The following MCC variants were observed in gnomAD, a reference collection of about 807,000 sequenced individuals.
MCC encodes MCC regulator of Wnt signaling pathway.
In MCC, 90 loss-of-function variants were observed where a neutral mutation model predicts 116.2. That is an observed-to-expected ratio of 0.77 (90% CI 0.65 to 0.92). MCC has a LOEUF of 0.92. MCC is among the 40% of genes least tolerant of loss of function. The probability of loss-of-function intolerance (pLI) is 0.00; values close to 1 mark genes in which losing one functional copy is unlikely to be tolerated. For synonymous variants in MCC, 578 were observed against 510.5 expected (o/e 1.13, Z -1.78); for missense variants, 1,516 against 1,312.2 (o/e 1.16, Z -2.40).
At chr5:113,221,029 C>A (rs554623403) in intron 3 of MCC, among the ~76,000 whole-genome samples, 2 of 152,168 alleles carry the variant, frequency 1.3e-5, no homozygotes, top group Non-Finnish European at 2.9e-5. Flanking sequence ...ATGGCAAAAC[C>A]ATGTCTCTAC....
chr5:113,092,894 T>C (rs912429962), intron 8 of MCC, among the ~76,000 whole-genome samples: 2 of 152,180 alleles, frequency 1.3e-5, no homozygotes, highest in Non-Finnish European at 2.9e-5. Context: ...AGGAGACATG[T>C]GCAAGGGACT....
At chr5:113,162,730 C>A (rs1475604320) in intron 3 of MCC, among the ~76,000 whole-genome samples, 1 of 152,074 alleles carries the variant, frequency 6.6e-6, no homozygotes, top group Non-Finnish European at 1.5e-5. Context: ...AACTCCTGGG[C>A]TCAAGTGATT....
At chr5:113,260,540 G>C (rs114223975) in intron 3 of MCC, among the ~76,000 whole-genome samples, 1 of 152,056 alleles carries the variant, frequency 6.6e-6, no homozygotes, top group Non-Finnish European at 1.5e-5. Flanking sequence ...GTATTCTTTC[G>C]TACTTTCCCC....
intron 2 of MCC, among the ~76,000 whole-genome samples, chr5:113,352,699 C>T (rs1442389963): frequency 9.4e-6 from 1 of 106,296 alleles, no homozygotes; most frequent in African/African-American, 4.4e-5. Flanking sequence ...TGAATGCACT[C>T]TCTCAAATTT....
At chr5:113,266,558 T>G (rs1410093016) in intron 3 of MCC, among the ~76,000 whole-genome samples, 3 of 152,172 alleles carry the variant, frequency 2.0e-5, no homozygotes, top group Non-Finnish European at 4.4e-5. Context: ...TCTTTTGAGA[T>G]GAGGTGTCGC....
At chr5:113,159,784 C>T (rs985091553) in intron 3 of MCC, among the ~76,000 whole-genome samples, 15 of 152,196 alleles carry the variant, frequency 9.9e-5, no homozygotes, top group Non-Finnish European at 7.3e-5. Context: ...TGGAACATTC[C>T]TCTTTACTAC....
intron 3 of MCC, among the ~76,000 whole-genome samples, chr5:113,329,757 A>G (rs951515349): frequency 2.0e-5 from 3 of 152,146 alleles, no homozygotes; most frequent in Admixed American, 1.3e-4. Flanking sequence ...ATCCAACTGC[A>G]ATGGAACTTC....
rs147427958 is a variant in MCC at position 113,370,792 on chromosome 5, C to T, written c.415+14176G>A. On this transcript the variant is annotated intron_variant, in intron 2 of 18. Coordinates refer to ENST00000408903, the MANE Select transcript of MCC (RefSeq NM_001085377.2). ...CAGACACCCCCTCCCCTTCAACACA[C>T]AGTCTGCAGATTCTAAACATCTATA... Among the ~76,000 whole-genome samples, 18 of 152,326 alleles carry T rather than the reference C, an allele frequency of 1.2e-4. No homozygotes were observed. The East Asian group carries it at 3.5e-3, about 29-fold the overall frequency.
chr5:113,119,405 G>C (rs969087872), intron 6 of MCC, among the ~76,000 whole-genome samples: 7 of 152,172 alleles, frequency 4.6e-5, no homozygotes, highest in Non-Finnish European at 8.8e-5. Context: ...CAGCTGCCGA[G>C]GAAGGAGGGC....
intron 2 of MCC, among the ~76,000 whole-genome samples, chr5:113,364,331 T>A (rs1188298936): frequency 6.7e-6 from 1 of 149,122 alleles, no homozygotes; most frequent in Non-Finnish European, 1.5e-5. Context: ...TTATTAAATC[T>A]TAAAGCTCCA....
intron 2 of MCC, among the ~76,000 whole-genome samples, chr5:113,374,771 A>G (rs1398409754): frequency 6.6e-6 from 1 of 151,830 alleles, no homozygotes; most frequent in Non-Finnish European, 1.5e-5. Context: ...CAGGTGGATC[A>G]TTTGAGCCCA....
intron 3 of MCC, among the ~76,000 whole-genome samples, chr5:113,283,008 T>G (rs1232869537): frequency 2.0e-5 from 3 of 152,220 alleles, no homozygotes; most frequent in Non-Finnish European, 4.4e-5. Context: ...CTGCCTGACA[T>G]TGCTAGTCAG....
At chr5:113,217,641 G>T (rs1763375667) in intron 3 of MCC, among the ~76,000 whole-genome samples, 1 of 148,700 alleles carries the variant, frequency 6.7e-6, no homozygotes, top group South Asian at 2.1e-4. Flanking sequence ...AATCAAGGAG[G>T]AAAGTGGGGC....
At chr5:113,473,279 T>C (rs1001767763) in intron 1 of MCC, among the ~76,000 whole-genome samples, 1 of 152,106 alleles carries the variant, frequency 6.6e-6, no homozygotes, top group Non-Finnish European at 1.5e-5. Context: ...ATCCGAGCAC[T>C]TTGGGAGGAC....
At chr5:113,126,713 A>C (rs1266333595) in intron 5 of MCC, among the ~76,000 whole-genome samples, 1 of 152,250 alleles carries the variant, frequency 6.6e-6, no homozygotes, top group Non-Finnish European at 1.5e-5. Flanking sequence ...ACAACCTAAT[A>C]GATACTAGTC....
chr5:113,306,235 A>G (rs1233976937), intron 3 of MCC, among the ~76,000 whole-genome samples: 2 of 152,214 alleles, frequency 1.3e-5, no homozygotes, highest in Non-Finnish European at 1.5e-5. Context: ...AGTTTTTAAT[A>G]TGGACATATG....
At chr5:113,425,692 T>C (rs11744381) in intron 1 of MCC, among the ~76,000 whole-genome samples, 4,337 of 152,204 alleles carry the variant, frequency 0.028, 103 homozygotes, top group Non-Finnish European at 0.038. Context: ...TTATAAATTA[T>C]AGAAGCAAAC....
chr5:113,188,878 C>T (rs1165030988), intron 3 of MCC, among the ~76,000 whole-genome samples: 1 of 152,152 alleles, frequency 6.6e-6, no homozygotes, highest in South Asian at 2.1e-4. Context: ...TATCTAACTA[C>T]AAAAACAGAG....
intron 1 of MCC, among the ~76,000 whole-genome samples, chr5:113,465,020 A>C (rs1489311460): frequency 6.6e-6 from 1 of 152,132 alleles, no homozygotes; most frequent in Admixed American, 6.5e-5. Context: ...TTAGAAACGT[A>C]TCCTATTTCC....
Sources: allele counts gnomAD v4.1 joint callset (sites outside exome capture counted in the v4.1 genomes callset), GRCh38; gene constraint gnomAD v4.1.1; transcripts MANE v1.5; gene names NCBI Gene and HGNC (gene_info 2026-07-23, HGNC 2026-07-21).